RBFOX1: variants seen among roughly 807,000 people sequenced by gnomAD.
RBFOX1 encodes the protein RNA binding fox-1 homolog 1.
RBFOX1 carries 8 observed loss-of-function variants against 57.7 expected under a neutral mutation model. The observed-to-expected ratio is 0.14, with a 90% CI of 0.08 to 0.25. RBFOX1 has a LOEUF of 0.25. Ranked by LOEUF, RBFOX1 falls within the 10% of genes least tolerant of loss-of-function variation. The probability of loss-of-function intolerance (pLI) is 1.00; values close to 1 mark genes in which losing one functional copy is unlikely to be tolerated. For synonymous variants in RBFOX1, 326 were observed against 222.4 expected, an observed-to-expected ratio of 1.47 and a Z score of -4.15; for missense variants, 611 against 548.5, an observed-to-expected ratio of 1.11 and a Z score of -1.14.
intron 14 of RBFOX1, among the ~76,000 whole-genome samples, chr16:7,689,784 C>T (rs940229868): frequency 1.3e-5 from 2 of 151,966 alleles, no homozygotes; most frequent in Non-Finnish European, 2.9e-5. Flanking sequence ...TTAAGAGGAA[C>T]AGGTAAGGAA....
chr16:5,425,267 A>G (rs1179660364), intron 1 of RBFOX1, among the ~76,000 whole-genome samples: 2 of 151,830 alleles, frequency 1.3e-5, no homozygotes, highest in African/African-American at 4.8e-5. Flanking sequence ...CACCACGTCC[A>G]GCTAATTTTT....
chr16:6,615,690 C>G (rs1427905173), intron 2 of RBFOX1, among the ~76,000 whole-genome samples: 2 of 152,196 alleles, frequency 1.3e-5, no homozygotes, highest in East Asian at 3.8e-4. Flanking sequence ...CTTTCCCTCT[C>G]CAGGAGAACA....
intron 2 of RBFOX1, among the ~76,000 whole-genome samples, chr16:5,532,875 C>G (rs1285233973): frequency 6.6e-6 from 1 of 152,196 alleles, no homozygotes; most frequent in African/African-American, 2.4e-5. Flanking sequence ...TTCTCCTTCC[C>G]TTTCTGCCTG....
chr16:7,163,533 G>A (rs192553661), intron 4 of RBFOX1, among the ~76,000 whole-genome samples: 3 of 152,010 alleles, frequency 2.0e-5, no homozygotes, highest in South Asian at 4.2e-4. Flanking sequence ...TTTAACATCA[G>A]TCTCTCTCCC....
chr16:7,600,360 A>C (rs2094947118), intron 9 of RBFOX1, among the ~76,000 whole-genome samples: 1 of 152,234 alleles, frequency 6.6e-6, no homozygotes, highest in Non-Finnish European at 1.5e-5. Context: ...TTCAAAGAAA[A>C]GTAGTTCTCC....
At chr16:6,675,412 C>A (rs1362936289) in intron 3 of RBFOX1, among the ~76,000 whole-genome samples, 1 of 151,948 alleles carries the variant, frequency 6.6e-6, no homozygotes, top group African/African-American at 2.4e-5. Flanking sequence ...GTGGGCTCTT[C>A]CCAAGCAGAG....
chr16:6,324,082 C>G (rs2082104241), intron 2 of RBFOX1, among the ~76,000 whole-genome samples: 1 of 152,114 alleles, frequency 6.6e-6, no homozygotes, highest in Non-Finnish European at 1.5e-5. Flanking sequence ...CAACTCTGAG[C>G]TTTTAGCGTA....
chr16:5,806,108 G>A lies in RBFOX1; in HGVS notation c.319-61195G>A, dbSNP rs566926678. ...TTAAAAAAATGGGAGGGCCTCTCAT[G>A]TCTTTACTAGCAGACCTGCCTTCCC... On this transcript the variant is annotated intron_variant, in intron 3 of 19. Transcript: ENST00000641259. Among the ~76,000 whole-genome samples the A allele has an allele frequency of 1.4e-4, 22 of 152,300 alleles. No individual in the cohort carries two copies. The South Asian group carries it at 2.5e-3, about 17-fold the overall frequency.
intron 1 of RBFOX1, among the ~76,000 whole-genome samples, chr16:6,133,524 G>A (rs890912919): frequency 2.0e-5 from 3 of 152,088 alleles, no homozygotes; most frequent in African/African-American, 7.2e-5. Context: ...TGATTCCTGC[G>A]ATCACGCTAT....
rs888511967 is a variant in RBFOX1 at position 7,074,760 on chromosome 16, A to G, written c.27+22662A>G. On this transcript the variant is annotated intron_variant, in intron 4 of 15. Coordinates refer to ENST00000550418, the MANE Select transcript of RBFOX1 (RefSeq NM_018723.4). ...AGCAGTATAAGCATAAGAAAAAATTATACCTGAAAACATTATAAAGAAATG... is the reference window on the plus strand; with the variant it reads ...AGCAGTATAAGCATAAGAAAAAATTGTACCTGAAAACATTATAAAGAAATG... Among the ~76,000 whole-genome samples, 4 of 152,216 alleles carry G rather than the reference A, an allele frequency of 2.6e-5. No individual in the cohort carries two copies. In the South Asian group the frequency reaches 6.2e-4, roughly 24 times the overall value.
intron 5 of RBFOX1, among the ~76,000 whole-genome samples, chr16:7,526,266 T>G (rs2346946): frequency 2.0e-5 from 3 of 152,208 alleles, no homozygotes; most frequent in African/African-American, 7.2e-5. Context: ...CCAAAAATTT[T>G]GGGGACTGCT....
At chr16:5,766,575 A>T (rs1185374720) in intron 3 of RBFOX1, among the ~76,000 whole-genome samples, 1 of 152,086 alleles carries the variant, frequency 6.6e-6, no homozygotes, top group African/African-American at 2.4e-5. Context: ...ACAGTGCGAG[A>T]CTCTGTCTCA....
intron 14 of RBFOX1, among the ~76,000 whole-genome samples, chr16:7,697,219 G>T (rs2079075032): frequency 6.6e-6 from 1 of 152,140 alleles, no homozygotes; most frequent in African/African-American, 2.4e-5. Flanking sequence ...TTAGTGGGGT[G>T]GCTGTGGGTG....
chr16:5,577,104 G>T (rs1201611447), intron 2 of RBFOX1, among the ~76,000 whole-genome samples: 2 of 152,192 alleles, frequency 1.3e-5, no homozygotes, highest in Non-Finnish European at 2.9e-5. Flanking sequence ...TTCCAAGTTG[G>T]TCTCTCTCTC....
At chr16:7,506,037 T>C (rs1242271763) in intron 4 of RBFOX1, among the ~76,000 whole-genome samples, 1 of 151,776 alleles carries the variant, frequency 6.6e-6, no homozygotes, top group African/African-American at 2.4e-5. Flanking sequence ...TACAAAAAGA[T>C]AGCCGGGCAT....
rs376856012 is a variant in RBFOX1 at position 7,303,251 on chromosome 16, G to A, written c.28-214896G>A. Among the ~76,000 whole-genome samples, 41 of 152,246 alleles carry A rather than the reference G, an allele frequency of 2.7e-4. No individual in the cohort carries two copies. In the East Asian group the frequency reaches 2.7e-3, roughly 10 times the overall value. ...AGCTGCGCCCCAAACGCCCGGGGGT[G>A]CATCGGCGCTTCGGTGCTCTGCTGG... On this transcript the variant is annotated intron_variant, in intron 4 of 15. Transcript: ENST00000550418.
intron 3 of RBFOX1, among the ~76,000 whole-genome samples, chr16:6,884,118 G>C (rs1309191574): frequency 6.6e-6 from 1 of 152,198 alleles, no homozygotes; most frequent in Non-Finnish European, 1.5e-5. Flanking sequence ...AAGAAGAGAG[G>C]CATCTGATGC....
chr16:6,058,647 C>G (rs1234886958), intron 1 of RBFOX1, among the ~76,000 whole-genome samples: 1 of 151,232 alleles, frequency 6.6e-6, no homozygotes, highest in Non-Finnish European at 1.5e-5. Flanking sequence ...TCCACCCATC[C>G]ATCCACCCAT....
At chr16:6,101,933 C>A (rs1367113649) in intron 1 of RBFOX1, among the ~76,000 whole-genome samples, 1 of 152,064 alleles carries the variant, frequency 6.6e-6, no homozygotes, top group Non-Finnish European at 1.5e-5. Context: ...TAGTGCACTG[C>A]AGTAGGCCTG....
Sources: allele counts gnomAD v4.1 joint callset (sites outside exome capture counted in the v4.1 genomes callset), GRCh38; gene constraint gnomAD v4.1.1; transcripts MANE v1.5; gene names NCBI Gene and HGNC (gene_info 2026-07-23, HGNC 2026-07-21).